Variants in FAAH2 observed in about 807,000 individuals in gnomAD.
FAAH2 encodes the protein fatty-acid amide hydrolase 2.
FAAH2 carries 60 observed loss-of-function variants against 36.9 expected under a neutral mutation model. The ratio of observed to expected loss-of-function variants is 1.63; its 90% confidence interval spans 1.32 to 2.02. The LOEUF (loss-of-function observed/expected upper bound fraction) is 2.02. FAAH2 is among the 30% of genes most tolerant of loss of function. FAAH2 has a pLI of 0.00. For missense variants in FAAH2, 689 were observed against 397.5 expected, an observed-to-expected ratio of 1.73 and a Z score of -6.23; for synonymous variants, 214 against 143.8, an observed-to-expected ratio of 1.49 and a Z score of -3.49.
intron 8 of FAAH2, among the ~76,000 whole-genome samples, chrX:57,442,747 C>T (rs1013340369): frequency 8.9e-5 from 10 of 111,883 alleles, no homozygotes; most frequent in African/African-American, 1.3e-4. Flanking sequence ...GTGGCTGTTA[C>T]TGGTTGTTCC....
At chrX:57,193,243 G>C in the FAAH2 span, among the ~76,000 whole-genome samples, 1 of 111,639 alleles carries the variant, frequency 9.0e-6, no homozygotes, top group South Asian at 3.8e-4. Flanking sequence ...GGTCGAAACT[G>C]TAGGGATGAA....
intron 4 of FAAH2, among the ~76,000 whole-genome samples, chrX:57,335,813 G>T (rs2053535526): frequency 8.9e-6 from 1 of 112,091 alleles, no homozygotes; most frequent in Admixed American, 9.4e-5. Flanking sequence ...CTAGGCAGAG[G>T]TACCTGCGGC....
intron 2 of FAAH2, among the ~76,000 whole-genome samples, chrX:57,309,758 A>T (rs2052639595): frequency 9.0e-6 from 1 of 111,207 alleles, no homozygotes. Context: ...TTCCAGCTCC[A>T]TCCATGTCCC....
chrX:57,342,915 A>G (rs1242719412), intron 5 of FAAH2, among the ~76,000 whole-genome samples: 2 of 111,690 alleles, frequency 1.8e-5, no homozygotes, highest in African/African-American at 6.5e-5. Context: ...TAGGATAATA[A>G]TGGCCTCTAG....
chrX:57,479,766 CTGTT>C (rs1241739162), intron 10 of FAAH2, among the ~76,000 whole-genome samples: 1 of 111,506 alleles, frequency 9.0e-6, no homozygotes, highest in African/African-American at 3.3e-5. Context: ...TGTCTTGGTT[CTGTT>C]TATTTATTGA....
chrX:57,258,867 C>T, the FAAH2 span, among the ~76,000 whole-genome samples: 12 of 107,958 alleles, frequency 1.1e-4, no homozygotes. Context: ...TGCCACCACG[C>T]CTGGCTAATT....
chrX:57,442,936 C>T (rs1476334093), intron 8 of FAAH2, among the ~76,000 whole-genome samples: 2 of 111,309 alleles, frequency 1.8e-5, no homozygotes, highest in East Asian at 2.8e-4. Context: ...TGAATATTGG[C>T]CCCCACTCTC....
chrX:57,480,178 G>A (rs2057354191), intron 10 of FAAH2, among the ~76,000 whole-genome samples: 2 of 111,328 alleles, frequency 1.8e-5, no homozygotes, highest in Non-Finnish European at 3.8e-5. Context: ...AATTCTACCA[G>A]AGGTACAGGG....
At chrX:57,380,527 G>A (rs534407896) in intron 6 of FAAH2, among the ~76,000 whole-genome samples, 3 of 111,854 alleles carry the variant, frequency 2.7e-5, no homozygotes, top group Middle Eastern at 9.2e-3. Context: ...CCTCATTTCC[G>A]ATTTTTCTCA....
the FAAH2 span, among the ~76,000 whole-genome samples, chrX:57,225,172 G>T: frequency 3.7e-5 from 4 of 108,898 alleles, no homozygotes; most frequent in Non-Finnish European, 5.7e-5. Flanking sequence ...TATGTTCTTT[G>T]TCTGCTGGGT....
chrX:57,132,969 G>A, the FAAH2 span, among the ~76,000 whole-genome samples: 1 of 111,782 alleles, frequency 8.9e-6, no homozygotes, highest in East Asian at 2.8e-4. Context: ...CTGTCTTGGG[G>A]CCTCAGCACA....
the FAAH2 span, among the ~76,000 whole-genome samples, chrX:57,165,110 A>T: frequency 8.9e-6 from 1 of 112,575 alleles, no homozygotes; most frequent in African/African-American, 3.2e-5. Context: ...AACTAGTTCA[A>T]CCATTGTGGA....
At chrX:57,333,343 G>T (rs998028938) in intron 4 of FAAH2, among the ~76,000 whole-genome samples, 7 of 111,525 alleles carry the variant, frequency 6.3e-5, no homozygotes, top group African/African-American at 2.3e-4. Context: ...TTTTATCTCA[G>T]TACATCATGT....
chrX:57,204,980 C>T, the FAAH2 span, among the ~76,000 whole-genome samples: 12 of 112,265 alleles, frequency 1.1e-4, no homozygotes, highest in Admixed American at 1.9e-4. Flanking sequence ...GAAGCTGGAA[C>T]GCCATCACCA....
At chrX:57,413,796 T>C (rs1224232878) in intron 7 of FAAH2, among the ~76,000 whole-genome samples, 1 of 112,161 alleles carries the variant, frequency 8.9e-6, no homozygotes, top group Non-Finnish European at 1.9e-5. Flanking sequence ...TAAATTACTT[T>C]GGGCAGTATG....
At chrX:57,397,877 C>T (rs368546057) in intron 7 of FAAH2, among the ~76,000 whole-genome samples, 276 of 105,277 alleles carry the variant, frequency 2.6e-3, no homozygotes, top group African/African-American at 9.1e-3. Flanking sequence ...CAACAGGCCC[C>T]GATGTGTGAT....
chrX:57,386,285 G>A (rs2055021310), intron 7 of FAAH2, among the ~76,000 whole-genome samples: 1 of 110,968 alleles, frequency 9.0e-6, no homozygotes, highest in South Asian at 3.8e-4. Flanking sequence ...AAAGGAGAAA[G>A]GTAAATTATA....
intron 8 of FAAH2, among the ~76,000 whole-genome samples, chrX:57,445,640 T>C (rs1029067108): frequency 7.1e-5 from 8 of 111,964 alleles, no homozygotes; most frequent in Admixed American, 1.9e-4. Flanking sequence ...AGGCCTGTTA[T>C]TGGGGACTTC....
At position 57,418,912 on chromosome X, in the gene FAAH2, C is replaced by T. The variant is rs748579752; in HGVS notation, c.997-13006C>T. On this transcript the variant is annotated intron_variant, in intron 7 of 10. Coordinates refer to ENST00000374900, the MANE Select transcript of FAAH2 (RefSeq NM_174912.4). ...TCCCCAGACTGTGATGTTCCCCTTC[C>T]TGTGTCCATGTGTTCTCGTTGTTCA... 3.2e-4 allele frequency among the ~76,000 whole-genome samples: 30 copies of T among 94,969 alleles called. No individual in the cohort carries two copies. In the East Asian group the frequency reaches 9.8e-3, roughly 31 times the overall value. 82.5% of individuals were successfully genotyped at this position (94,969 alleles called of 115,157 possible). A position where few individuals can be genotyped will look rare whatever the true frequency, so the allele number is the denominator to read the frequency against.
Sources: gnomAD v4.1 joint callset for allele counts (sites outside exome capture counted in the v4.1 genomes callset) on GRCh38, gnomAD v4.1.1 for gene constraint, MANE v1.5 for transcripts, NCBI Gene and HGNC (gene_info 2026-07-23, HGNC 2026-07-21) for gene names.